CDH1: variants seen among roughly 807,000 people sequenced by gnomAD.
The protein encoded by CDH1 is cadherin 1.
Under a neutral mutation model 84.5 loss-of-function variants are expected in CDH1, and 35 were observed. The ratio of observed to expected loss-of-function variants is 0.41; its 90% CI spans 0.32 to 0.55. The LOEUF is 0.55. Ranked by LOEUF, CDH1 falls within the 20% of genes least tolerant of loss-of-function variation. The probability of loss-of-function intolerance (pLI) is 0.19; values close to 1 mark genes in which losing one functional copy is unlikely to be tolerated. For synonymous variants in CDH1, 417 were observed against 439.0 expected, an observed-to-expected ratio of 0.95 and a Z score of 0.63; for missense variants, 994 against 1,126.6, an observed-to-expected ratio of 0.88 and a Z score of 1.68.
chr16:68,754,026 G>A (rs1387558234), intron 2 of CDH1, among the ~76,000 whole-genome samples: 1 of 151,274 alleles, frequency 6.6e-6, no homozygotes, highest in African/African-American at 2.4e-5. Context: ...GGCTGAGGCA[G>A]GAGAATGGCT....
chr16:68,756,533 C>T (rs575380438), intron 2 of CDH1, among the ~76,000 whole-genome samples: 7 of 152,156 alleles, frequency 4.6e-5, no homozygotes, highest in South Asian at 2.1e-4. Flanking sequence ...CCCTAGATCT[C>T]GTCTCTGTTA....
intron 3 of CDH1, among the ~76,000 whole-genome samples, chr16:68,805,434 A>G (rs2152128474): frequency 6.6e-6 from 1 of 152,338 alleles, no homozygotes; most frequent in South Asian, 2.1e-4. Context: ...AGTGTTCATC[A>G]TTATTCATTC....
chr16:68,766,816 C>T (rs1314813023), intron 2 of CDH1, among the ~76,000 whole-genome samples: 1 of 151,342 alleles, frequency 6.6e-6, no homozygotes, highest in South Asian at 2.1e-4. Flanking sequence ...CAACTTCTGC[C>T]TCCTGGGTTC....
intron 2 of CDH1, among the ~76,000 whole-genome samples, chr16:68,793,717 C>T (rs34530130): frequency 0.27 from 40,521 of 152,044 alleles, 5,572 homozygotes; most frequent in Middle Eastern, 0.32. Flanking sequence ...GAGGTGAAAC[C>T]TCGTCTCTAG....
At chr16:68,796,155 T>C (rs947562921) in intron 2 of CDH1, among the ~76,000 whole-genome samples, 1 of 151,954 alleles carries the variant, frequency 6.6e-6, no homozygotes, top group East Asian at 1.9e-4. Flanking sequence ...AGTGCGAGAC[T>C]CTGTCTTTAA....
In CDH1 at chr16:68,833,955, T is replaced by A; in HGVS notation, c.*456T>A. On this transcript the variant is annotated 3_prime_UTR_variant, in exon 16 of 16. Transcript: ENST00000261769. Reference sequence around the variant, plus strand: ...GCTCATTACTACACTGGTGTGTCCCTCTGCCTTTTTTTTTTTTTTAAGACA... The same window carrying A: ...GCTCATTACTACACTGGTGTGTCCCACTGCCTTTTTTTTTTTTTTAAGACA... 3.0e-6 allele frequency: 1 copy of A among 335,326 alleles called. No homozygotes were observed. The highest frequency in any genetic ancestry group is 5.6e-6 in the Non-Finnish European group (1 of 179,322). The allele number at this position is 335,326 out of a possible 1,614,324, so 20.8% of individuals were successfully genotyped here. A position where few individuals can be genotyped will look rare whatever the true frequency, so the allele number is the denominator to read the frequency against.
intron 2 of CDH1, among the ~76,000 whole-genome samples, chr16:68,739,181 G>A (rs1172364481): frequency 2.6e-5 from 4 of 151,936 alleles, no homozygotes; most frequent in African/African-American, 9.6e-5. Context: ...TTGGGAGGCC[G>A]AGGTGGGCGG....
intron 2 of CDH1, among the ~76,000 whole-genome samples, chr16:68,762,853 G>A (rs1347665686): frequency 7.0e-6 from 1 of 142,574 alleles, no homozygotes; most frequent in Non-Finnish European, 1.5e-5. Flanking sequence ...AGAGGTTGGA[G>A]TGAGCCAAGA....
At chr16:68,779,939 CTCA>C (rs1959829439) in intron 2 of CDH1, among the ~76,000 whole-genome samples, 1 of 152,178 alleles carries the variant, frequency 6.6e-6, no homozygotes, top group African/African-American at 2.4e-5. Context: ...CTGAAACCCT[CTCA>C]TCTGCAGATA....
chr16:68,777,625 C>T (rs1959770276), intron 2 of CDH1, among the ~76,000 whole-genome samples: 1 of 142,666 alleles, frequency 7.0e-6, no homozygotes, highest in Non-Finnish European at 1.5e-5. Context: ...CTTATTGCAG[C>T]CTCGACCTCC....
At chr16:68,741,566 C>T (rs1288054872) in intron 2 of CDH1, among the ~76,000 whole-genome samples, 1 of 151,994 alleles carries the variant, frequency 6.6e-6, no homozygotes, top group Non-Finnish European at 1.5e-5. Context: ...ATTCCTCTGC[C>T]CCATGCTGTG....
rs1395024294 is a variant in CDH1, at chr16:68,738,427, C to T, written c.163+16C>T. On this transcript the variant is annotated intron_variant, in intron 2 of 15. Coordinates refer to ENST00000261769, the MANE Select transcript of CDH1 (RefSeq NM_004360.5). ...CTGGGCAGAGGTGAGGGCGCGCTGC[C>T]GGTGTCCCTGGGCGGAGTAGGGAGG... is the stretch of plus-strand genomic sequence containing the variant. 2.0e-6 allele frequency: 3 copies of T among 1,518,636 alleles called. No homozygotes were observed. The highest frequency in any genetic ancestry group is 2.5e-5 in the East Asian group (1 of 40,386). The allele number at this position is 1,518,636 out of a possible 1,614,324, so 94.1% of individuals were successfully genotyped here.
At chr16:68,786,553 T>C (rs1401020993) in intron 2 of CDH1, among the ~76,000 whole-genome samples, 1 of 113,176 alleles carries the variant, frequency 8.8e-6, no homozygotes, top group Non-Finnish European at 1.9e-5. Flanking sequence ...TTTTTTTTTT[T>C]GGTATTCAGG....
intron 12 of CDH1, chr16:68,822,914 C>G (rs567326547): frequency 2.3e-5 from 5 of 221,654 alleles, no homozygotes; most frequent in Middle Eastern, 1.8e-3. Flanking sequence ...GAACTGGACC[C>G]TTTTGGATCT....
intron 2 of CDH1, among the ~76,000 whole-genome samples, chr16:68,789,526 T>G (rs1960154556): frequency 6.6e-6 from 1 of 152,132 alleles, no homozygotes; most frequent in African/African-American, 2.4e-5. Flanking sequence ...ATCTTTTTTT[T>G]TTTTTTGTAA....
At chr16:68,827,022 G>A (rs1341522380) in intron 13 of CDH1, among the ~76,000 whole-genome samples, 1 of 152,156 alleles carries the variant, frequency 6.6e-6, no homozygotes, top group African/African-American at 2.4e-5. Context: ...TGTAATCTCA[G>A]CACTTTGGGA....
chr16:68,773,117 C>T (rs971990630), intron 2 of CDH1, among the ~76,000 whole-genome samples: 5 of 151,978 alleles, frequency 3.3e-5, no homozygotes. Context: ...AGTTGTAACA[C>T]CAGGTGTGGA....
chr16:68,768,514 G>A (rs545626308), intron 2 of CDH1, among the ~76,000 whole-genome samples: 2 of 152,130 alleles, frequency 1.3e-5, no homozygotes, highest in Admixed American at 6.5e-5. Flanking sequence ...TTGTCATTTT[G>A]CAGCTAATAC....
intron 3 of CDH1, among the ~76,000 whole-genome samples, chr16:68,802,199 G>A (rs987162531): frequency 6.6e-6 from 1 of 152,216 alleles, no homozygotes; most frequent in Admixed American, 6.5e-5. Flanking sequence ...TTTTTGGGGT[G>A]TGGGGATCGG....
Sources: gnomAD v4.1 joint callset for allele counts (sites outside exome capture counted in the v4.1 genomes callset) on GRCh38, gnomAD v4.1.1 for gene constraint, MANE v1.5 for transcripts, NCBI Gene and HGNC (gene_info 2026-07-23, HGNC 2026-07-21) for gene names.